The following USH2A variants were observed in gnomAD, a reference collection of about 807,000 sequenced individuals.
USH2A encodes the protein Usher syndrome 2A (autosomal recessive, mild).
A neutral mutation model predicts 538.9 loss-of-function variants in USH2A; 443 were observed. The observed-to-expected ratio is 0.82, with a 90% CI of 0.76 to 0.89. USH2A has a LOEUF of 0.89. Ranked by LOEUF, USH2A falls within the 40% of genes least tolerant of loss-of-function variation. The pLI is 0.00. For missense variants in USH2A, 6,633 were observed against 6,324.8 expected (o/e 1.05, Z -1.65); for synonymous variants, 2,413 against 2,273.5 (o/e 1.06, Z -1.75).
At chr1:216,050,214 C>T (rs1172024570) in intron 30 of USH2A, among the ~76,000 whole-genome samples, 3 of 152,178 alleles carry the variant, frequency 2.0e-5, no homozygotes, top group Non-Finnish European at 4.4e-5. Flanking sequence ...AATGGGCACC[C>T]ATGCTCAAGC....
intron 31 of USH2A, among the ~76,000 whole-genome samples, chr1:216,047,020 C>G (rs571193894): frequency 6.6e-6 from 1 of 152,122 alleles, no homozygotes; most frequent in Non-Finnish European, 1.5e-5. Context: ...ATTGCCAGAG[C>G]TCGCATAACC....
At chr1:216,146,163 G>C (rs369940633) in intron 21 of USH2A, among the ~76,000 whole-genome samples, 3 of 152,112 alleles carry the variant, frequency 2.0e-5, no homozygotes, top group Non-Finnish European at 4.4e-5. Flanking sequence ...TCCTCAGACC[G>C]ACCAGCCCAA....
chr1:215,658,002 CG>C (rs1558040907), intron 64 of USH2A, among the ~76,000 whole-genome samples: 1 of 148,304 alleles, frequency 6.7e-6, no homozygotes, highest in Non-Finnish European at 1.5e-5. Context: ...GGCGTGATCT[CG>C]GCTGACTGCA....
chr1:215,691,082 T>G (rs1212351611), intron 61 of USH2A, among the ~76,000 whole-genome samples: 1 of 151,996 alleles, frequency 6.6e-6, no homozygotes, highest in African/African-American at 2.4e-5. Context: ...TGGGGTTTCA[T>G]CATATTGGCC....
chr1:216,327,550 TC>T, intron 5 of USH2A, 40 bp downstream of exon 5: 1 of 1,604,282 alleles, frequency 6.2e-7, no homozygotes, highest in East Asian at 2.2e-5. Context: ...TCAGCATTTA[TC>T]CTTTCGGTTC....
chr1:215,835,340 A>G (rs1359213972), intron 47 of USH2A, among the ~76,000 whole-genome samples: 1 of 151,972 alleles, frequency 6.6e-6, no homozygotes, highest in Non-Finnish European at 1.5e-5. Context: ...TTTTTCTAGA[A>G]AACTATGTTC....
In USH2A at chr1:215,993,104, G is replaced by T. The variant is rs111033412; in HGVS notation, c.6721C>A (p.Pro2241Thr). The change falls in exon 35 of 72, where the codon CCC becomes ACC. Residue 2241 changes from proline (P) to threonine (T), a missense_variant. Transcript: ENST00000307340. ...GCTTTGGGGGCTGGCACGCCTTCGG[G>T]TATGTCCTCGTCAGTTAGGGCCTCA... ...ASEALTDEDI[P>T]EGVPAPKAHS... 1 of 1,613,932 alleles carries T rather than the reference G, an allele frequency of 6.2e-7. No individual in the cohort carries two copies. Among genetic ancestry groups the T allele is most frequent in the Non-Finnish European group, 8.5e-7 (1 of 1,179,994 alleles).
At chr1:215,677,857 A>C (rs529659504) in intron 62 of USH2A, among the ~76,000 whole-genome samples, 2 of 152,104 alleles carry the variant, frequency 1.3e-5, no homozygotes, top group Non-Finnish European at 2.9e-5. Context: ...GATTCTGAAC[A>C]TTTATCCCAG....
chr1:215,750,007 C>T (rs1259478878), intron 58 of USH2A, among the ~76,000 whole-genome samples: 1 of 151,924 alleles, frequency 6.6e-6, no homozygotes, highest in Non-Finnish European at 1.5e-5. Flanking sequence ...GGCTTCATTT[C>T]ACAGCAGGTG....
chr1:215,851,372 A>G (rs1289761988), intron 44 of USH2A, among the ~76,000 whole-genome samples: 1 of 152,280 alleles, frequency 6.6e-6, no homozygotes, highest in African/African-American at 2.4e-5. Context: ...GAGACATTAC[A>G]ACTGATACCA....
intron 19 of USH2A, among the ~76,000 whole-genome samples, chr1:216,193,229 A>G (rs1410585275): frequency 1.3e-5 from 2 of 152,120 alleles, no homozygotes; most frequent in East Asian, 1.9e-4. Context: ...AGACCACATG[A>G]AAGTTACAAC....
intron 61 of USH2A, 35 bp from the exon 62 acceptor site, chr1:215,680,411 T>C (rs1558051360): frequency 4.4e-6 from 7 of 1,607,790 alleles, no homozygotes; most frequent in Non-Finnish European, 6.0e-6. Context: ...TTGTTGTTTT[T>C]TTTTTTTGAA....
At chr1:215,936,694 T>C (rs1178813966) in intron 37 of USH2A, among the ~76,000 whole-genome samples, 1 of 152,106 alleles carries the variant, frequency 6.6e-6, no homozygotes, top group African/African-American at 2.4e-5. Flanking sequence ...TTGTACTCTG[T>C]ATTTCATTTT....
At chr1:216,293,399 T>C (rs773497698) in intron 9 of USH2A, among the ~76,000 whole-genome samples, 1 of 152,212 alleles carries the variant, frequency 6.6e-6, no homozygotes, top group Non-Finnish European at 1.5e-5. Context: ...TTAACTTTTA[T>C]GCTTTTAGTG....
chr1:216,326,244 T>C (rs568578541), intron 5 of USH2A, among the ~76,000 whole-genome samples: 23 of 152,314 alleles, frequency 1.5e-4, no homozygotes, highest in African/African-American at 5.5e-4. Flanking sequence ...AATATACTTG[T>C]TCTAGACCAG....
chr1:216,151,301 G>A (rs1433654329), intron 21 of USH2A, among the ~76,000 whole-genome samples: 3 of 151,938 alleles, frequency 2.0e-5, no homozygotes, highest in African/African-American at 7.3e-5. Flanking sequence ...CTCGCACAAG[G>A]TCTCTTCTTC....
intron 56 of USH2A, among the ~76,000 whole-genome samples, chr1:215,766,330 T>G (rs1023810451): frequency 6.6e-5 from 10 of 152,212 alleles, no homozygotes; most frequent in Non-Finnish European, 1.0e-4. Flanking sequence ...TACTTGATTG[T>G]CAGTCTTGAG....
rs185194181 is a variant in USH2A, at chr1:216,097,148, T to C, written c.4693A>G (p.Asn1565Asp). ...GLIVFAASPG[N>D]QEEYFALQLK... is the part of the protein sequence containing the mutation. ...TGAAGTGCAAAATACTCTTCCTGAT[T>C]GCCAGGTGATGCTGCAAAGACAATC... The change falls in exon 22 of 72, where the codon AAT (asparagine) becomes GAT (aspartate). Residue 1565 changes from asparagine (N) to aspartate (D), a missense_variant. Asn to Asp is a conservative substitution (Grantham distance 23). Coordinates refer to ENST00000307340, the MANE Select transcript of USH2A (RefSeq NM_206933.4). 9 of 1,614,166 alleles carry C rather than the reference T, an allele frequency of 5.6e-6. No individual in the cohort carries two copies. The Admixed American group carries it at 1.5e-4, about 27-fold the overall frequency.
At chr1:216,295,928 A>G (rs2037095602) in intron 9 of USH2A, among the ~76,000 whole-genome samples, 1 of 152,072 alleles carries the variant, frequency 6.6e-6, no homozygotes, top group African/African-American at 2.4e-5. Context: ...TTTCATAATC[A>G]TCATTGGAAC....
Sources: allele counts gnomAD v4.1 joint callset (sites outside exome capture counted in the v4.1 genomes callset), GRCh38; gene constraint gnomAD v4.1.1; transcripts MANE v1.5; gene names NCBI Gene and HGNC (gene_info 2026-07-23, HGNC 2026-07-21).